NEBL: variants seen among roughly 807,000 people sequenced by gnomAD.
NEBL encodes the protein LIM and SH3 protein 2.
NEBL carries 122 observed loss-of-function variants against 140.2 expected under a neutral mutation model. The observed-to-expected ratio is 0.87, with a 90% CI of 0.75 to 1.01. NEBL has a LOEUF of 1.01. Ranked by LOEUF, NEBL falls within the 50% of genes least tolerant of loss-of-function variation. The pLI is 0.00. For synonymous variants in NEBL, 436 were observed against 398.9 expected (o/e 1.09, Z -1.11); for missense variants, 1,365 against 1,231.3 (o/e 1.11, Z -1.62).
intron 2 of NEBL, among the ~76,000 whole-genome samples, chr10:21,138,801 A>G (rs1255260658): frequency 6.6e-6 from 1 of 151,170 alleles, no homozygotes; most frequent in Non-Finnish European, 1.5e-5. Context: ...ACTTTTAGTA[A>G]CGACACCAAA....
intron 5 of NEBL, among the ~76,000 whole-genome samples, chr10:20,877,981 T>C (rs1845666144): frequency 6.6e-6 from 1 of 152,200 alleles, no homozygotes; most frequent in Non-Finnish European, 1.5e-5. Context: ...TTAATTTTCT[T>C]GACATGAGAC....
At chr10:21,057,588 C>CACCCA in intron 2 of NEBL, among the ~76,000 whole-genome samples, 2 of 118,552 alleles carry the variant, frequency 1.7e-5, no homozygotes, top group Non-Finnish European at 3.2e-5. Flanking sequence ...CTGGCTCTGT[C>CACCCA]GCCCAGGCTG....
chr10:20,959,339 G>A (rs1015515302), intron 4 of NEBL, among the ~76,000 whole-genome samples: 3 of 152,030 alleles, frequency 2.0e-5, no homozygotes, highest in African/African-American at 7.3e-5. Flanking sequence ...GAAGATTCTG[G>A]GGTCTTTCCA....
Position 20,852,644 on chromosome 10 carries a change from T to C in NEBL, c.909A>G (p.Glu303=). ...TGTTTTCCTCAAAGAGCTTTTTATA[T>C]TCTCGCTAAAATACAGAATGGGGAA... ...LKASKMLSGR[E]YKKLFEENKG... is the part of the protein sequence containing the mutation. Residue 303 remains glutamate, a synonymous_variant, in exon 10 of 28, where the codon GAA becomes GAG. Coordinates refer to ENST00000377122, the MANE Select transcript of NEBL (RefSeq NM_006393.3). 1.2e-6 allele frequency: 2 copies of C among 1,608,580 alleles called. No individual in the cohort carries two copies. Among genetic ancestry groups the C allele is most frequent in the Non-Finnish European group, 1.7e-6 (2 of 1,175,230 alleles).
At position 20,824,287 on chromosome 10, in the gene NEBL, G is replaced by A. The variant is rs147109013; in HGVS notation, c.1870-987C>T. Among the ~76,000 whole-genome samples, 23 of 152,186 alleles carry A rather than the reference G, an allele frequency of 1.5e-4. No individual in the cohort carries two copies. In the East Asian group the frequency reaches 3.7e-3, roughly 24 times the overall value. ...ATGAAACATGTTTCAGAAATCACCT[G>A]GTAATGTTTAAAATGATTAAGGGTG... On this transcript the variant is annotated intron_variant, in intron 18 of 27. Transcript: ENST00000377122.
At chr10:21,216,263 G>A (rs1444851931) in intron 3 of NEBL, among the ~76,000 whole-genome samples, 1 of 152,112 alleles carries the variant, frequency 6.6e-6, no homozygotes, top group Non-Finnish European at 1.5e-5. Context: ...ATATCCAAGT[G>A]CCTGTGGCTA....
upstream of NEBL, among the ~76,000 whole-genome samples, chr10:20,898,969 A>G (rs1035131259): frequency 1.3e-5 from 2 of 152,210 alleles, no homozygotes; most frequent in Admixed American, 6.5e-5. Flanking sequence ...ATGGTATCAC[A>G]TATCCTGTTC....
chr10:21,158,189 G>A (rs1026920054), intron 2 of NEBL, among the ~76,000 whole-genome samples: 16 of 152,166 alleles, frequency 1.1e-4, no homozygotes, highest in African/African-American at 3.9e-4. Flanking sequence ...ACTCATCCAT[G>A]TGAGGATTTT....
At chr10:20,908,477 C>A (rs1156806659) in intron 4 of NEBL, among the ~76,000 whole-genome samples, 1 of 152,156 alleles carries the variant, frequency 6.6e-6, no homozygotes, top group Non-Finnish European at 1.5e-5. Context: ...ACAGGAAAGG[C>A]AGGCCATAAT....
chr10:21,227,597 G>A (rs184643153), intron 3 of NEBL, among the ~76,000 whole-genome samples: 3 of 152,078 alleles, frequency 2.0e-5, no homozygotes, highest in Admixed American at 2.0e-4. Context: ...CTTTTTCAAG[G>A]TGCATTTTAC....
intron 2 of NEBL, among the ~76,000 whole-genome samples, chr10:21,114,189 T>A (rs970647862): frequency 1.3e-5 from 2 of 152,106 alleles, no homozygotes; most frequent in African/African-American, 4.8e-5. Flanking sequence ...TTGATTCAAG[T>A]TATTCAAGTG....
chr10:21,059,169 G>C (rs7911561), intron 2 of NEBL, among the ~76,000 whole-genome samples: 61,868 of 151,982 alleles, frequency 0.41, 12,667 homozygotes, highest in Middle Eastern at 0.47. Context: ...CACTTGTTCA[G>C]CCTAAGCACC....
chr10:21,172,239 C>T (rs975382175), intron 2 of NEBL: 2 of 707,786 alleles, frequency 2.8e-6, no homozygotes, highest in Non-Finnish European at 5.2e-6. Flanking sequence ...AAGTACATGG[C>T]CCCAGAGTCT....
chr10:21,091,608 A>T (rs1343200501), intron 2 of NEBL, among the ~76,000 whole-genome samples: 1 of 152,030 alleles, frequency 6.6e-6, no homozygotes, highest in Non-Finnish European at 1.5e-5. Flanking sequence ...TCATGCTTAG[A>T]TTGCTACTTT....
At chr10:21,154,052 A>T (rs1305423665) in intron 2 of NEBL, among the ~76,000 whole-genome samples, 2 of 152,188 alleles carry the variant, frequency 1.3e-5, no homozygotes, top group African/African-American at 4.8e-5. Flanking sequence ...TTTCCTAAAA[A>T]TCAGCTTAAT....
At chr10:21,065,269 C>T (rs1422133185) in intron 2 of NEBL, among the ~76,000 whole-genome samples, 1 of 152,080 alleles carries the variant, frequency 6.6e-6, no homozygotes, top group East Asian at 2.0e-4. Context: ...TGAGCTTGAT[C>T]ACAGTTTTCT....
chr10:21,268,948 C>T (rs539462252), intron 1 of NEBL, among the ~76,000 whole-genome samples: 1 of 151,938 alleles, frequency 6.6e-6, no homozygotes, highest in Non-Finnish European at 1.5e-5. Flanking sequence ...TGTGTATAAT[C>T]CCTAGAGCAT....
At chr10:20,867,079 G>T (rs557315964) in intron 7 of NEBL, among the ~76,000 whole-genome samples, 1 of 151,966 alleles carries the variant, frequency 6.6e-6, no homozygotes, top group East Asian at 1.9e-4. Flanking sequence ...AGTATTTGAA[G>T]ACTTCTCTTT....
intron 2 of NEBL, among the ~76,000 whole-genome samples, chr10:21,130,721 T>G (rs936240507): frequency 3.9e-5 from 6 of 152,130 alleles, no homozygotes; most frequent in African/African-American, 1.4e-4. Context: ...TCAAAAATTG[T>G]GGGATGCCAC....
Sources: allele counts gnomAD v4.1 joint callset (sites outside exome capture counted in the v4.1 genomes callset), GRCh38; gene constraint gnomAD v4.1.1; transcripts MANE v1.5; gene names NCBI Gene and HGNC (gene_info 2026-07-23, HGNC 2026-07-21).